Variants in NPTN observed in about 807,000 individuals in gnomAD.
The protein encoded by NPTN is neuroplastin, also known as SDR-1.
In NPTN, 5 loss-of-function variants were observed where a neutral mutation model predicts 42.7. The observed-to-expected ratio is 0.12, with a 90% CI of 0.06 to 0.25. NPTN has a LOEUF of 0.25. Ranked by LOEUF, NPTN falls within the 10% of genes least tolerant of loss-of-function variation. The probability of loss-of-function intolerance (pLI) is 1.00; values close to 1 mark genes in which losing one functional copy is unlikely to be tolerated. For missense variants in NPTN, 307 were observed against 525.4 expected (o/e 0.58, Z 4.06); for synonymous variants, 180 against 201.9 (o/e 0.89, Z 0.92).
chr15:73,579,947 G>A (rs1895902188), intron 4 of NPTN, among the ~76,000 whole-genome samples: 1 of 152,182 alleles, frequency 6.6e-6, no homozygotes, highest in Non-Finnish European at 1.5e-5. Context: ...CAGGAAAACT[G>A]TGAGGTGGTA....
At chr15:73,628,392 ACT>A (rs762910134) in intron 1 of NPTN, among the ~76,000 whole-genome samples, 13 of 152,100 alleles carry the variant, frequency 8.5e-5, no homozygotes, top group Non-Finnish European at 1.3e-4. Context: ...TCCAGATTGT[ACT>A]CTCACTGCAA....
intron 1 of NPTN, among the ~76,000 whole-genome samples, chr15:73,621,571 C>A (rs1048938157): frequency 1.4e-4 from 22 of 152,248 alleles, no homozygotes; most frequent in African/African-American, 4.8e-4. Flanking sequence ...AAGTATTACA[C>A]TAATTTTTAA....
chr15:73,619,526 CT>C (rs1273885172), intron 1 of NPTN, among the ~76,000 whole-genome samples: 1 of 152,126 alleles, frequency 6.6e-6, no homozygotes, highest in Non-Finnish European at 1.5e-5. Context: ...AAATTACCTG[CT>C]GCAAGACGGC....
Position 73,603,354 on chromosome 15 carries a change from C to T in NPTN, c.92-5985G>A, listed in dbSNP as rs549502492. ...AGGCTGGGAAGCAGAACTTCACATC[C>T]AAAATGAGCTTAACTTAAAATCCAA... On this transcript the variant is annotated intron_variant, in intron 1 of 8. Coordinates refer to ENST00000345330, the MANE Select transcript of NPTN (RefSeq NM_012428.4). 3.3e-5 allele frequency among the ~76,000 whole-genome samples: 5 copies of T among 152,338 alleles called. No individual in the cohort carries two copies. The South Asian group carries it at 1.0e-3, about 32-fold the overall frequency.
chr15:73,600,830 G>A (rs1897052126), intron 1 of NPTN, among the ~76,000 whole-genome samples: 1 of 152,166 alleles, frequency 6.6e-6, no homozygotes, highest in Non-Finnish European at 1.5e-5. Flanking sequence ...GGGTCAAAGA[G>A]TTCTTAAAGC....
At chr15:73,584,199 T>C (rs1450040104) in intron 4 of NPTN, among the ~76,000 whole-genome samples, 5 of 152,194 alleles carry the variant, frequency 3.3e-5, no homozygotes, top group African/African-American at 9.7e-5. Flanking sequence ...AGTGACATAT[T>C]TGTTGCAAAG....
chr15:73,568,667 T>A, intron 6 of NPTN: 28 of 985,402 alleles, frequency 2.8e-5, no homozygotes, highest in Non-Finnish European at 3.3e-5. Context: ...AAAGTAAAAC[T>A]CATGGGGACA....
At chr15:73,566,599 G>A (rs1442090305) in intron 6 of NPTN, among the ~76,000 whole-genome samples, 4 of 152,300 alleles carry the variant, frequency 2.6e-5, no homozygotes, top group East Asian at 1.9e-4. Flanking sequence ...GCCTGGGGAG[G>A]GGAGACTCAG....
intron 1 of NPTN, among the ~76,000 whole-genome samples, chr15:73,625,237 A>G (rs1898337442): frequency 1.3e-5 from 2 of 152,248 alleles, no homozygotes; most frequent in Admixed American, 6.5e-5. Context: ...GATTAATAAT[A>G]GGTAATGTTT....
intron 1 of NPTN, among the ~76,000 whole-genome samples, chr15:73,612,198 C>A (rs1194110557): frequency 6.6e-6 from 1 of 151,968 alleles, no homozygotes; most frequent in Non-Finnish European, 1.5e-5. Context: ...GCAGGAGGAT[C>A]GCTTGAGCCC....
intron 4 of NPTN, among the ~76,000 whole-genome samples, chr15:73,575,101 A>G (rs1895614508): frequency 6.6e-6 from 1 of 152,222 alleles, no homozygotes; most frequent in Non-Finnish European, 1.5e-5. Flanking sequence ...CTCCTGCCTC[A>G]GCCTCCTGAG....
chr15:73,581,436 G>A (rs952047700), intron 4 of NPTN, among the ~76,000 whole-genome samples: 3 of 152,182 alleles, frequency 2.0e-5, no homozygotes, highest in African/African-American at 7.2e-5. Context: ...ACCCTTAGAA[G>A]AGAGTTCTGA....
intron 4 of NPTN, among the ~76,000 whole-genome samples, chr15:73,580,003 G>A (rs1188105318): frequency 1.3e-5 from 2 of 152,060 alleles, no homozygotes; most frequent in East Asian, 1.9e-4. Context: ...AATTTATTAT[G>A]CATTTTTGTA....
At chr15:73,592,703 G>C (rs1275829328) in intron 2 of NPTN, among the ~76,000 whole-genome samples, 1 of 152,166 alleles carries the variant, frequency 6.6e-6, no homozygotes, top group African/African-American at 2.4e-5. Context: ...GAAGTCACTT[G>C]CATTTTCCAA....
chr15:73,563,210 GA>G (rs1566954863), intron 7 of NPTN, 25 bp downstream of exon 7: 1 of 1,446,820 alleles, frequency 6.9e-7, no homozygotes. Flanking sequence ...AGATACTGTT[GA>G]ATCAATGTCC....
At chr15:73,596,950 G>T in intron 2 of NPTN, 72 bp downstream of exon 2, 1 of 1,239,984 alleles carries the variant, frequency 8.1e-7, no homozygotes, top group Non-Finnish European at 1.1e-6. Flanking sequence ...AGAGGGAAAG[G>T]ATGCAGAAGG....
At chr15:73,589,535 T>G (rs1260306032) in intron 3 of NPTN, among the ~76,000 whole-genome samples, 3 of 151,976 alleles carry the variant, frequency 2.0e-5, no homozygotes, top group Admixed American at 2.0e-4. Flanking sequence ...AACATCAGCC[T>G]CCAGATGAGA....
At chr15:73,587,847 C>T (rs946534078) in intron 3 of NPTN, among the ~76,000 whole-genome samples, 2 of 152,158 alleles carry the variant, frequency 1.3e-5, no homozygotes, top group African/African-American at 4.8e-5. Flanking sequence ...TGGTCCCTAA[C>T]CTTAGAATGC....
At chr15:73,621,832 T>C (rs1898148197) in intron 1 of NPTN, among the ~76,000 whole-genome samples, 1 of 152,210 alleles carries the variant, frequency 6.6e-6, no homozygotes, top group South Asian at 2.1e-4. Flanking sequence ...ATGTTTCATG[T>C]TCCTTAATAT....
Sources: allele counts gnomAD v4.1 joint callset (sites outside exome capture counted in the v4.1 genomes callset), GRCh38; gene constraint gnomAD v4.1.1; transcripts MANE v1.5; gene names NCBI Gene and HGNC (gene_info 2026-07-23, HGNC 2026-07-21).